Variants in ERC2 observed in about 807,000 individuals in gnomAD.
ERC2 encodes ERC protein 2.
In ERC2, 42 loss-of-function variants were observed where a neutral mutation model predicts 114.8. That is an observed-to-expected ratio of 0.37 (90% CI 0.29 to 0.47). The LOEUF (loss-of-function observed/expected upper bound fraction) is 0.47. ERC2 is among the 20% of genes least tolerant of loss of function. The pLI is 0.99. For missense variants in ERC2, 939 were observed against 1,150.7 expected, an observed-to-expected ratio of 0.82 and a Z score of 2.66; for synonymous variants, 454 against 425.5, an observed-to-expected ratio of 1.07 and a Z score of -0.82.
chr3:55,879,099 A>ATTTTTTTTT (rs3047064), intron 14 of ERC2, among the ~76,000 whole-genome samples: 12,258 of 127,728 alleles, frequency 0.096, 1,443 homozygotes, highest in African/African-American at 0.24. Flanking sequence ...CTTTTTCTTA[A>ATTTTTTTTT]TTTTTTTTTT....
intron 2 of ERC2, among the ~76,000 whole-genome samples, chr3:56,381,808 T>C (rs894682581): frequency 6.6e-6 from 1 of 152,080 alleles, no homozygotes; most frequent in African/African-American, 2.4e-5. Context: ...TGATGGCTCA[T>C]GAGAGACTCT....
At chr3:55,568,311 C>A (rs554848730) in intron 17 of ERC2, among the ~76,000 whole-genome samples, 1 of 152,240 alleles carries the variant, frequency 6.6e-6, no homozygotes, top group African/African-American at 2.4e-5. Flanking sequence ...GGCCGGGGAC[C>A]CATGTGGTCT....
intron 14 of ERC2, among the ~76,000 whole-genome samples, chr3:55,803,279 T>C (rs2059372722): frequency 1.3e-5 from 2 of 152,198 alleles, no homozygotes; most frequent in South Asian, 4.1e-4. Context: ...ACTTATTATA[T>C]GATATTCAAA....
chr3:56,227,992 G>T (rs1234732882), intron 3 of ERC2, among the ~76,000 whole-genome samples: 2 of 152,130 alleles, frequency 1.3e-5, no homozygotes, highest in East Asian at 3.9e-4. Flanking sequence ...TCATAGACAT[G>T]ACCATGAGAG....
intron 17 of ERC2, among the ~76,000 whole-genome samples, chr3:55,596,082 A>C (rs936207335): frequency 6.6e-6 from 1 of 152,238 alleles, no homozygotes. Flanking sequence ...CACTAAGAAC[A>C]GAGAAATAGA....
Position 56,034,439 on chromosome 3 carries a change from A to G in ERC2, c.1642-15408T>C, listed in dbSNP as rs559543447. On this transcript the variant is annotated intron_variant, in intron 7 of 17. Transcript: ENST00000288221. Reference sequence around the variant, plus strand: ...ATGACTAGGTCATCTAGACAGAAAAACAATCAAGAAACAGTAGATCTGAAT... The same window carrying G: ...ATGACTAGGTCATCTAGACAGAAAAGCAATCAAGAAACAGTAGATCTGAAT... Among the ~76,000 whole-genome samples, 8 of 152,232 alleles carry G rather than the reference A, an allele frequency of 5.3e-5. 1 individual carries two copies. In the South Asian group the frequency reaches 1.0e-3, roughly 20 times the overall value.
intron 4 of ERC2, among the ~76,000 whole-genome samples, chr3:56,151,250 A>G (rs182749257): frequency 6.6e-6 from 1 of 152,258 alleles, no homozygotes. Context: ...TATTTTTAGT[A>G]GTGACGGGGT....
chr3:55,946,215 G>A (rs1553746092), intron 13 of ERC2, among the ~76,000 whole-genome samples: 1 of 152,156 alleles, frequency 6.6e-6, no homozygotes, highest in Non-Finnish European at 1.5e-5. Context: ...AAGCCCCAAG[G>A]TCAGACATAA....
intron 14 of ERC2, among the ~76,000 whole-genome samples, chr3:55,881,238 C>G (rs928286869): frequency 6.6e-6 from 1 of 152,118 alleles, no homozygotes; most frequent in African/African-American, 2.4e-5. Context: ...ATCAAAGAGG[C>G]CAACAGGATA....
intron 14 of ERC2, among the ~76,000 whole-genome samples, chr3:55,744,429 G>GA (rs1364138998): frequency 1.3e-5 from 2 of 151,814 alleles, no homozygotes; most frequent in South Asian, 2.1e-4. Context: ...AAACAAATAT[G>GA]AAAAAAACAA....
intron 17 of ERC2, among the ~76,000 whole-genome samples, chr3:55,539,922 G>A (rs1327747908): frequency 3.4e-5 from 4 of 118,168 alleles, no homozygotes; most frequent in Admixed American, 1.1e-4. Flanking sequence ...TATATCCTGT[G>A]GGGATTTTTT....
intron 3 of ERC2, among the ~76,000 whole-genome samples, chr3:56,277,039 A>T (rs1244977976): frequency 6.6e-6 from 1 of 152,150 alleles, no homozygotes; most frequent in Non-Finnish European, 1.5e-5. Context: ...TAGGGACCAA[A>T]CGCAAAGGTC....
At chr3:56,029,797 T>C (rs1449837672) in intron 7 of ERC2, among the ~76,000 whole-genome samples, 2 of 152,114 alleles carry the variant, frequency 1.3e-5, no homozygotes, top group African/African-American at 4.8e-5. Context: ...ATTTTCTCTG[T>C]TGTTTCTATA....
At chr3:55,797,342 G>A (rs1237205502) in intron 14 of ERC2, among the ~76,000 whole-genome samples, 1 of 152,204 alleles carries the variant, frequency 6.6e-6, no homozygotes, top group Non-Finnish European at 1.5e-5. Flanking sequence ...ATGGTCATTT[G>A]TACAACCGAG....
chr3:55,612,837 C>T (rs1239991268), intron 17 of ERC2: 1 of 152,196 alleles, frequency 6.6e-6, no homozygotes, highest in Non-Finnish European at 1.5e-5. Context: ...AAAGACCCTG[C>T]AACTGTTACA....
At chr3:56,207,390 ATATT>A (rs1306122746) in intron 3 of ERC2, among the ~76,000 whole-genome samples, 1 of 152,040 alleles carries the variant, frequency 6.6e-6, no homozygotes, top group Non-Finnish European at 1.5e-5. Context: ...TCTTACCCAT[ATATT>A]TATTTATTTT....
chr3:56,069,306 T>A (rs1185445071), intron 7 of ERC2, among the ~76,000 whole-genome samples: 1 of 152,184 alleles, frequency 6.6e-6, no homozygotes, highest in East Asian at 1.9e-4. Flanking sequence ...GCCTCTGAAT[T>A]TCCATGAGAG....
intron 6 of ERC2, among the ~76,000 whole-genome samples, chr3:56,120,131 A>G (rs2079490713): frequency 6.6e-6 from 1 of 152,120 alleles, no homozygotes; most frequent in Non-Finnish European, 1.5e-5. Context: ...CCAGCATTGA[A>G]AAAAAAGAGA....
chr3:56,288,420 C>A (rs952130606), intron 3 of ERC2, among the ~76,000 whole-genome samples: 5 of 152,288 alleles, frequency 3.3e-5, no homozygotes, highest in East Asian at 3.9e-4. Context: ...ACACCCCCAA[C>A]CCTGTCACTT....
Sources: gnomAD v4.1 joint callset for allele counts (sites outside exome capture counted in the v4.1 genomes callset) on GRCh38, gnomAD v4.1.1 for gene constraint, MANE v1.5 for transcripts, NCBI Gene and HGNC (gene_info 2026-07-23, HGNC 2026-07-21) for gene names.